Variants in CD226 observed in about 807,000 individuals in gnomAD.
CD226 encodes CD226 antigen.
Under a neutral mutation model 34.9 loss-of-function variants are expected in CD226, and 24 were observed. The observed-to-expected ratio is 0.69, with a 90% CI of 0.50 to 0.97. The LOEUF is 0.97. CD226 is among the 50% of genes least tolerant of loss of function. The pLI, the probability that CD226 is intolerant of heterozygous loss-of-function variation, is 0.00. For synonymous variants in CD226, 148 were observed against 147.4 expected (o/e 1.00, Z -0.03); for missense variants, 397 against 412.7 (o/e 0.96, Z 0.33).
chr18:69,927,423 T>C (rs2055536493), intron 2 of CD226, among the ~76,000 whole-genome samples: 1 of 151,846 alleles, frequency 6.6e-6, no homozygotes, highest in South Asian at 2.1e-4. Context: ...ATCTTAGCCC[T>C]TTTAAAATGT....
In CD226 at chr18:69,945,485, T is replaced by C. The variant is rs144722566; in HGVS notation, c.382+1249A>G. On this transcript the variant is annotated intron_variant, in intron 2 of 5. Coordinates refer to ENST00000582621, the MANE Select transcript of CD226 (RefSeq NM_001303618.2). ...AAGCAAAAAACACTCCAAGGGATCA[T>C]TGGGTTCTTTCTGACACCACAGCTC... Among the ~76,000 whole-genome samples the C allele has an allele frequency of 4.6e-5, 7 of 152,258 alleles. No homozygotes were observed. The East Asian group carries it at 5.8e-4, about 13-fold the overall frequency.
chr18:69,936,994 T>C (rs898823848), intron 2 of CD226, among the ~76,000 whole-genome samples: 1 of 152,218 alleles, frequency 6.6e-6, no homozygotes, highest in African/African-American at 2.4e-5. Context: ...CTGTCATTAA[T>C]AGATATGATA....
At chr18:69,950,004 ACT>A (rs57412098), upstream of CD226, among the ~76,000 whole-genome samples, 2,213 of 151,522 alleles carry the variant, frequency 0.015, 34 homozygotes, top group Middle Eastern at 0.041. Context: ...TGTTTCTCAC[ACT>A]CTCTCACACA....
rs1363854826 is a variant in CD226, at chr18:69,856,613, A to G, written c.*7701T>C. The G allele has an allele frequency of 6.6e-6, 1 of 152,216 alleles. No individual in the cohort carries two copies. Among genetic ancestry groups the G allele is most frequent in the African/African-American group, 2.4e-5 (1 of 41,468 alleles). 9.4% of individuals were successfully genotyped at this position (152,216 alleles called of 1,614,324 possible). A position where few individuals can be genotyped will look rare whatever the true frequency, so the allele number is the denominator to read the frequency against. On this transcript the variant is annotated 3_prime_UTR_variant, in exon 6 of 6. Transcript: ENST00000582621. ...AGAAATTATACAAAGAATGTTTTTA[A>G]AACATGATGAAATTAAGTTAGAAAT...
chr18:69,947,513 A>G lies in CD226; in HGVS notation c.-107T>C. On this transcript the variant is annotated 5_prime_UTR_variant, in exon 1 of 6. Transcript: ENST00000582621. ...TGCAGTTTCCTTCCTCTCAGATGTT[A>G]TCAGTCGTGTCTTCTTTTTCTGAAG... 2 of 626,948 alleles carry G rather than the reference A, an allele frequency of 3.2e-6. No homozygotes were observed. The highest frequency in any genetic ancestry group is 2.7e-6 in the Non-Finnish European group (1 of 367,884). The allele number at this position is 626,948 out of a possible 1,614,324, so 38.8% of individuals were successfully genotyped here. A position where few individuals can be genotyped will look rare whatever the true frequency, so the allele number is the denominator to read the frequency against.
chr18:69,895,885 C>A lies in CD226; in HGVS notation c.543G>T (p.Leu181Phe). ...TGGAGGTGAAATTTCTGCCATGGAC[C>A]AAGTTGCAGTAAGTTAAGAGGTCGA... ...RQIDLLTYCNLVHGRNFTSKF... is the reference protein window; with the variant it reads ...RQIDLLTYCNFVHGRNFTSKF... Residue 181 changes from leucine to phenylalanine, a missense_variant, in exon 3 of 6, where the codon TTG (leucine) becomes TTT (phenylalanine). Physicochemically the swap from Leu to Phe is conservative, Grantham distance 22. Transcript: ENST00000582621. 6.2e-7 allele frequency: 1 copy of A among 1,614,122 alleles called. No homozygotes were observed. Among genetic ancestry groups the A allele is most frequent in the Non-Finnish European group, 8.5e-7 (1 of 1,180,018 alleles).
intron 2 of CD226, among the ~76,000 whole-genome samples, chr18:69,909,311 C>A (rs921334465): frequency 2.0e-5 from 3 of 152,142 alleles, no homozygotes. Context: ...CCAGTCCAGG[C>A]CCTACATGAG....
intron 2 of CD226, among the ~76,000 whole-genome samples, chr18:69,931,245 G>C (rs974857128): frequency 3.9e-5 from 6 of 152,004 alleles, no homozygotes; most frequent in Non-Finnish European, 8.8e-5. Flanking sequence ...GGTGGGGAGA[G>C]GGGGGAGGGA....
rs924085762 is a variant in CD226 at position 69,886,288 on chromosome 18, G to A, written c.727+9413C>T. Among the ~76,000 whole-genome samples the A allele has an allele frequency of 3.9e-5, 6 of 152,144 alleles. No homozygotes were observed. The South Asian group carries it at 1.2e-3, about 32-fold the overall frequency. ...ATCAGTAACTACGAGTAAATTCTCA[G>A]AACAGCCACTGGCACACATAGAAAC... On this transcript the variant is annotated intron_variant, in intron 3 of 5. Coordinates refer to ENST00000582621, the MANE Select transcript of CD226 (RefSeq NM_001303618.2).
chr18:69,914,063 T>C (rs2055357708), intron 2 of CD226, among the ~76,000 whole-genome samples: 1 of 152,208 alleles, frequency 6.6e-6, no homozygotes, highest in South Asian at 2.1e-4. Flanking sequence ...TGTGATCATA[T>C]TTTCATAGCA....
At chr18:69,886,091 C>A (rs1984542557) in intron 3 of CD226, among the ~76,000 whole-genome samples, 1 of 152,098 alleles carries the variant, frequency 6.6e-6, no homozygotes, top group Non-Finnish European at 1.5e-5. Flanking sequence ...CCACTTTGAG[C>A]AGAAAAGTAG....
At chr18:69,954,202 C>T (rs532897624) in intron 1 of CD226, among the ~76,000 whole-genome samples, 70 of 152,102 alleles carry the variant, frequency 4.6e-4, no homozygotes, top group Non-Finnish European at 8.4e-4. Flanking sequence ...CCAACCACCC[C>T]GGTCCAAAGA....
At chr18:69,948,152 C>T (rs2009116783), upstream of CD226, among the ~76,000 whole-genome samples, 1 of 152,110 alleles carries the variant, frequency 6.6e-6, no homozygotes, top group African/African-American at 2.4e-5. Context: ...GTCCCTGTCC[C>T]CAGGTTCTGT....
intron 2 of CD226, among the ~76,000 whole-genome samples, chr18:69,942,800 A>C (rs1269908633): frequency 6.6e-6 from 1 of 152,150 alleles, no homozygotes; most frequent in Non-Finnish European, 1.5e-5. Flanking sequence ...TAGTCAGAGA[A>C]GGCCAGGCTC....
intron 2 of CD226, among the ~76,000 whole-genome samples, chr18:69,933,267 A>G (rs2055610630): frequency 6.6e-6 from 1 of 152,194 alleles, no homozygotes; most frequent in African/African-American, 2.4e-5. Flanking sequence ...ACTAACAACC[A>G]AATGAAGTCC....
intron 2 of CD226, among the ~76,000 whole-genome samples, chr18:69,904,824 T>C (rs969381678): frequency 6.6e-6 from 1 of 152,222 alleles, no homozygotes; most frequent in Non-Finnish European, 1.5e-5. Context: ...CCCCCCAGGT[T>C]AGACAATTTA....
In CD226 at chr18:69,895,730, G is replaced by T. The variant is rs537626574; in HGVS notation, c.698C>A (p.Thr233Asn). The T allele has an allele frequency of 1.0e-4, 164 of 1,613,886 alleles. 1 individual carries two copies. The Admixed American group carries it at 2.6e-3, about 26-fold the overall frequency. The change falls in exon 3 of 6, where the codon ACC becomes AAC. Residue 233 changes from threonine (T) to asparagine (N), a missense_variant. By Grantham distance (65) the Thr-to-Asn change is moderately conservative (BLOSUM62 0). Coordinates refer to ENST00000582621, the MANE Select transcript of CD226 (RefSeq NM_001303618.2). Reference protein sequence around the residue: ...YLQASAGENETFVMRLTVAEG... With the variant: ...YLQASAGENENFVMRLTVAEG... ...GGCTACAGTCAATCTCATCACGAAG[G>T]TTTCGTTTTCTCCTGCGCTGGCCTG... is the stretch of plus-strand genomic sequence containing the variant.
chr18:69,930,839 G>T (rs930546825), intron 2 of CD226, among the ~76,000 whole-genome samples: 4 of 152,106 alleles, frequency 2.6e-5, no homozygotes, highest in African/African-American at 9.7e-5. Flanking sequence ...TCCAGGTTTC[G>T]ACTCCTCTGA....
upstream of CD226, among the ~76,000 whole-genome samples, chr18:69,949,862 T>C (rs145026593): frequency 6.2e-3 from 938 of 151,352 alleles, 8 homozygotes; most frequent in African/African-American, 0.021. Context: ...TTACACGTTA[T>C]CACTCACATA....
Sources: gnomAD v4.1 joint callset for allele counts (sites outside exome capture counted in the v4.1 genomes callset) on GRCh38, gnomAD v4.1.1 for gene constraint, MANE v1.5 for transcripts, NCBI Gene and HGNC (gene_info 2026-07-23, HGNC 2026-07-21) for gene names.